PRDM5: variants seen among roughly 807,000 people sequenced by gnomAD.
The protein encoded by PRDM5 is PR domain zinc finger protein 5.
A neutral mutation model predicts 81.2 loss-of-function variants in PRDM5; 56 were observed. That is an observed-to-expected ratio of 0.69 (90% confidence interval 0.56 to 0.86). The LOEUF is 0.86. PRDM5 is among the 40% of genes least tolerant of loss of function. The pLI is 0.00. For synonymous variants in PRDM5, 267 were observed against 256.4 expected (o/e 1.04, Z -0.39); for missense variants, 697 against 770.1 (o/e 0.91, Z 1.12).
intron 13 of PRDM5, among the ~76,000 whole-genome samples, chr4:120,761,833 A>G (rs1369401662): frequency 3.9e-5 from 6 of 152,150 alleles, no homozygotes; most frequent in South Asian, 2.1e-4. Flanking sequence ...CAGAAATCAA[A>G]TTTTTGTTCA....
At chr4:120,852,695 A>G (rs1036757712) in intron 3 of PRDM5, among the ~76,000 whole-genome samples, 1 of 151,702 alleles carries the variant, frequency 6.6e-6, no homozygotes, top group African/African-American at 2.4e-5. Flanking sequence ...ATATACATGT[A>G]TACACACATA....
At chr4:120,904,773 G>A (rs533400994) in intron 2 of PRDM5, among the ~76,000 whole-genome samples, 2 of 152,124 alleles carry the variant, frequency 1.3e-5, no homozygotes, top group South Asian at 4.1e-4. Flanking sequence ...ATTATTATCT[G>A]TTTAACACTA....
chr4:120,914,285 C>CA (rs372039697), intron 1 of PRDM5, among the ~76,000 whole-genome samples: 19 of 148,346 alleles, frequency 1.3e-4, no homozygotes, highest in African/African-American at 3.5e-4. Context: ...GAATCAAATT[C>CA]AAAAAAAAAT....
chr4:120,707,005 T>A (rs1736265858), intron 15 of PRDM5, among the ~76,000 whole-genome samples: 1 of 151,922 alleles, frequency 6.6e-6, no homozygotes, highest in South Asian at 2.1e-4. Flanking sequence ...GAAGAATTAA[T>A]ACCAATTCTG....
chr4:120,762,861 C>A (rs1370949841), intron 13 of PRDM5: 2 of 152,148 alleles, frequency 1.3e-5, no homozygotes, highest in Non-Finnish European at 2.9e-5. Context: ...AACCCAAGGA[C>A]ACCATCTTTG....
chr4:120,732,026 G>T (rs1463573108), intron 14 of PRDM5, among the ~76,000 whole-genome samples: 1 of 152,124 alleles, frequency 6.6e-6, no homozygotes, highest in Admixed American at 6.5e-5. Flanking sequence ...GATAGTTAAG[G>T]AACTGTGTGT....
chr4:120,873,122 C>T (rs2148548393), intron 2 of PRDM5, among the ~76,000 whole-genome samples: 1 of 152,244 alleles, frequency 6.6e-6, no homozygotes, highest in South Asian at 2.1e-4. Context: ...ATGACTTAGC[C>T]TCCCAAGTAG....
intron 5 of PRDM5, 88 bp from the exon 6 acceptor site, chr4:120,817,012 G>A (rs1364039860): frequency 1.8e-6 from 2 of 1,088,932 alleles, no homozygotes; most frequent in Admixed American, 1.8e-5. Flanking sequence ...TCTGAATAAA[G>A]TCATGTTCGT....
At chr4:120,858,597 A>G (rs1348310327) in intron 2 of PRDM5, among the ~76,000 whole-genome samples, 2 of 152,002 alleles carry the variant, frequency 1.3e-5, no homozygotes, top group Non-Finnish European at 2.9e-5. Context: ...GCACGCACAC[A>G]CACACACACC....
chr4:120,743,119 G>A lies in PRDM5; in HGVS notation c.1623+11434C>T, dbSNP rs369138147. Among the ~76,000 whole-genome samples, 202 of 151,914 alleles carry A rather than the reference G, an allele frequency of 1.3e-3. 3 individuals carry two copies. Among genetic ancestry groups the A allele is most frequent in the Admixed American group, 7.2e-4 (11 of 15,260 alleles). ...TACAAGCCAGAAGAGAGTGGGGGCC[G>A]ATATTCAACATTCTTAAAGAAAAGA... On this transcript the variant is annotated intron_variant, in intron 14 of 15. Transcript: ENST00000264808.
At chr4:120,738,328 A>C (rs1333574954) in intron 14 of PRDM5, among the ~76,000 whole-genome samples, 1 of 152,224 alleles carries the variant, frequency 6.6e-6, no homozygotes, top group Non-Finnish European at 1.5e-5. Flanking sequence ...ATAAAGTACT[A>C]AGGAGAAAAT....
chr4:120,916,518 C>CA (rs1724188280), intron 1 of PRDM5, among the ~76,000 whole-genome samples: 1 of 151,976 alleles, frequency 6.6e-6, no homozygotes, highest in Non-Finnish European at 1.5e-5. Flanking sequence ...TCTAAAGAAA[C>CA]AAGAGTAAAA....
intron 3 of PRDM5, among the ~76,000 whole-genome samples, chr4:120,822,846 T>TA (rs1755465651): frequency 2.0e-5 from 3 of 152,238 alleles, no homozygotes; most frequent in Non-Finnish European, 4.4e-5. Context: ...CTACACTTAA[T>TA]GTATAGACAT....
At chr4:120,860,082 T>C (rs1760391782) in intron 2 of PRDM5, among the ~76,000 whole-genome samples, 1 of 152,184 alleles carries the variant, frequency 6.6e-6, no homozygotes, top group South Asian at 2.1e-4. Flanking sequence ...AAACAATCCA[T>C]ATTAAGAAAG....
intron 15 of PRDM5, among the ~76,000 whole-genome samples, chr4:120,699,377 C>A (rs982794953): frequency 6.6e-6 from 1 of 151,574 alleles, no homozygotes; most frequent in African/African-American, 2.4e-5. Context: ...GTACAGGCTT[C>A]TTTTAGCAAC....
downstream of PRDM5, among the ~76,000 whole-genome samples, chr4:120,687,841 T>C (rs74563408): frequency 0.012 from 1,784 of 152,242 alleles, 32 homozygotes; most frequent in African/African-American, 0.04. Context: ...CCTTCCGCTA[T>C]GGAATGACAC....
At chr4:120,874,537 C>T (rs1233664141) in intron 2 of PRDM5, among the ~76,000 whole-genome samples, 2 of 151,528 alleles carry the variant, frequency 1.3e-5, no homozygotes, top group Non-Finnish European at 2.9e-5. Context: ...CACAAGATTC[C>T]TGAAAAAAAC....
At chr4:120,727,303 A>ATGTGTGTG (rs34504620) in intron 14 of PRDM5, among the ~76,000 whole-genome samples, 21 of 150,682 alleles carry the variant, frequency 1.4e-4, no homozygotes, top group Non-Finnish European at 1.6e-4. Flanking sequence ...GTATGTATAT[A>ATGTGTGTG]TGTGTGTGTG....
At chr4:120,726,639 G>A (rs1165303458) in intron 14 of PRDM5, among the ~76,000 whole-genome samples, 2 of 152,158 alleles carry the variant, frequency 1.3e-5, no homozygotes, top group Non-Finnish European at 2.9e-5. Flanking sequence ...TGTACATAAA[G>A]AAACTAAGCC....
Sources: allele counts gnomAD v4.1 joint callset (sites outside exome capture counted in the v4.1 genomes callset), GRCh38; gene constraint gnomAD v4.1.1; transcripts MANE v1.5; gene names NCBI Gene and HGNC (gene_info 2026-07-23, HGNC 2026-07-21).